The following CCNE1 variants were observed in gnomAD, a reference collection of about 807,000 sequenced individuals.
The protein encoded by CCNE1 is cyclin E1, also known as G1/S-specific cyclin-E1.
CCNE1 carries 8 observed loss-of-function variants against 54.1 expected under a neutral mutation model. The ratio of observed to expected loss-of-function variants is 0.15; its 90% CI spans 0.09 to 0.27. CCNE1 has a LOEUF of 0.27. Among genes scored for constraint, CCNE1 ranks in the 10% least tolerant of loss-of-function variants. The probability of loss-of-function intolerance (pLI) is 1.00; values close to 1 mark genes in which losing one functional copy is unlikely to be tolerated. For missense variants in CCNE1, 430 were observed against 514.9 expected (o/e 0.84, Z 1.60); for synonymous variants, 179 against 185.2 (o/e 0.97, Z 0.27).
intron 11 of CCNE1, among the ~76,000 whole-genome samples, 197 bp downstream of exon 11, chr19:29,822,800 C>T (rs1045478860): frequency 9.2e-5 from 14 of 151,956 alleles, no homozygotes; most frequent in South Asian, 2.1e-4. Context: ...AAAAATTAGC[C>T]GGCTATGGTG....
chr19:29,823,271 T>C (rs1482252253), intron 11 of CCNE1, among the ~76,000 whole-genome samples: 2 of 151,934 alleles, frequency 1.3e-5, no homozygotes, highest in Non-Finnish European at 2.9e-5. Flanking sequence ...TAGCCAGGCA[T>C]GGTGGCACAT....
intron 6 of CCNE1, among the ~76,000 whole-genome samples, chr19:29,819,594 T>G (rs1423313057): frequency 1.3e-5 from 2 of 152,200 alleles, no homozygotes; most frequent in African/African-American, 4.8e-5. Context: ...AATCTTTTCT[T>G]GGTCCACACT....
At chr19:29,819,825 C>T (rs1312652925) in intron 6 of CCNE1, among the ~76,000 whole-genome samples, 6 of 152,186 alleles carry the variant, frequency 3.9e-5, no homozygotes, top group East Asian at 1.9e-4. Flanking sequence ...ACATCTCAGG[C>T]AGACCTGCTT....
At chr19:29,817,568 C>T in intron 6 of CCNE1, 27 bp downstream of exon 6, 1 of 1,613,890 alleles carries the variant, frequency 6.2e-7, no homozygotes, top group Non-Finnish European at 8.5e-7. Context: ...CTGTTCGCTT[C>T]ATGAAAGCAC....
At chr19:29,814,216 C>T (rs989694276) in intron 4 of CCNE1, among the ~76,000 whole-genome samples, 1 of 151,860 alleles carries the variant, frequency 6.6e-6, no homozygotes, top group African/African-American at 2.4e-5. Flanking sequence ...ACATTCAAAT[C>T]AAGCAAGTTG....
chr19:29,812,373 C>A (rs1346444633), intron 1 of CCNE1, among the ~76,000 whole-genome samples, 159 bp from the exon 2 acceptor site: 8 of 149,214 alleles, frequency 5.4e-5, no homozygotes, highest in Admixed American at 3.3e-4. Flanking sequence ...GGCGGCGGGA[C>A]CCCGGGTCGG....
chr19:29,816,155 CAA>C (rs756490349), intron 4 of CCNE1, among the ~76,000 whole-genome samples: 22 of 73,178 alleles, frequency 3.0e-4, no homozygotes, highest in Non-Finnish European at 3.4e-4. Context: ...GACCCTCTCT[CAA>C]AAAAAAAAAA....
intron 9 of CCNE1, 22 bp downstream of exon 9, chr19:29,822,152 G>A (rs763878797): frequency 1.1e-5 from 18 of 1,611,702 alleles, no homozygotes; most frequent in South Asian, 6.6e-5. Context: ...CATCACGTCC[G>A]TGGGGCCACC....
At chr19:29,820,321 C>T (rs1974118819) in intron 6 of CCNE1, among the ~76,000 whole-genome samples, 1 of 152,178 alleles carries the variant, frequency 6.6e-6, no homozygotes, top group Admixed American at 6.5e-5. Flanking sequence ...GAGGCCGAAG[C>T]AGGTGGATCA....
chr19:29,823,667 G>A lies in CCNE1; in HGVS notation c.1123G>A (p.Ala375Thr), dbSNP rs754580480. ...TTCTTACCAACAGGACAAAGCCCGA[G>A]CAAAGAAAGCCATGTTGTCTGAACA... ...DSLDLLDKAR[A>T]KKAMLSEQNR... The change falls in exon 12 of 12, where the codon GCA becomes ACA. Residue 375 changes from alanine (A) to threonine (T), a missense_variant. Physicochemically the swap from Ala to Thr is moderately conservative, Grantham distance 58 (BLOSUM62 0). Around this residue, in one of 2 missense-constraint regions of CCNE1, gnomAD observed 303 missense variants for 401.1 expected, o/e 0.76. Coordinates refer to ENST00000262643, the MANE Select transcript of CCNE1 (RefSeq NM_001238.4). The A allele has an allele frequency of 6.2e-7, 1 of 1,614,026 alleles. No individual in the cohort carries two copies. The highest frequency in any genetic ancestry group is 2.2e-5 in the East Asian group (1 of 44,876).
chr19:29,817,676 G>A (rs1228433003), intron 6 of CCNE1, 135 bp downstream of exon 6: 2 of 904,226 alleles, frequency 2.2e-6, no homozygotes, highest in Non-Finnish European at 3.4e-6. Context: ...TTTTTACTGT[G>A]GTGGTCTTTC....
At chr19:29,821,590 T>G in intron 7 of CCNE1, 132 bp from the exon 8 acceptor site, 1 of 392,794 alleles carries the variant, frequency 2.5e-6, no homozygotes, top group Non-Finnish European at 4.6e-6. Context: ...TGGTGTGGCT[T>G]CTGTGTTAAT....
chr19:29,813,087 T>C (rs2145716101), intron 4 of CCNE1, 50 bp downstream of exon 4: 7 of 1,506,146 alleles, frequency 4.6e-6, no homozygotes, highest in Non-Finnish European at 6.5e-6. Context: ...TCCCCCTGGG[T>C]CACATGGGGT....
In CCNE1 at chr19:29,817,390, G is replaced by A. The variant is rs773174972; in HGVS notation, c.327-16G>A. ...CCCCTTTGTGGGCCTCATTTTTGTTGTGTGTTTTGTTGTAGCTGGGCAAAT... is the reference window on the plus strand; with the variant it reads ...CCCCTTTGTGGGCCTCATTTTTGTTATGTGTTTTGTTGTAGCTGGGCAAAT... On this transcript the variant is annotated splice_polypyrimidine_tract_variant and intron_variant, in intron 5 of 11. Coordinates refer to ENST00000262643, the MANE Select transcript of CCNE1 (RefSeq NM_001238.4). 1.9e-6 allele frequency: 3 copies of A among 1,613,938 alleles called. No individual in the cohort carries two copies. Among genetic ancestry groups the A allele is most frequent in the South Asian group, 2.2e-5 (2 of 91,066 alleles).
At chr19:29,817,736 A>C (rs1179973842) in intron 6 of CCNE1, among the ~76,000 whole-genome samples, 195 bp downstream of exon 6, 3 of 152,148 alleles carry the variant, frequency 2.0e-5, no homozygotes, top group African/African-American at 4.8e-5. Flanking sequence ...TTTATCCTTC[A>C]GATGTTTTAA....
At chr19:29,814,682 C>G (rs951870288) in intron 4 of CCNE1, among the ~76,000 whole-genome samples, 2 of 152,156 alleles carry the variant, frequency 1.3e-5, no homozygotes, top group African/African-American at 4.8e-5. Context: ...GAATTTTTCT[C>G]TGGAGTTATC....
chr19:29,813,460 GC>G, intron 4 of CCNE1: 1 of 161,868 alleles, frequency 6.2e-6, no homozygotes, highest in Non-Finnish European at 1.3e-5. Flanking sequence ...GTGTTTATAA[GC>G]AACAACTTTC....
intron 6 of CCNE1, among the ~76,000 whole-genome samples, chr19:29,818,250 T>A (rs1974073869): frequency 6.6e-6 from 1 of 152,074 alleles, no homozygotes; most frequent in African/African-American, 2.4e-5. Flanking sequence ...ATGGTCTCGA[T>A]CTCCTGACCT....
intron 6 of CCNE1, among the ~76,000 whole-genome samples, chr19:29,817,756 C>G (rs1333842632): frequency 6.6e-6 from 1 of 151,052 alleles, no homozygotes; most frequent in Non-Finnish European, 1.5e-5. Context: ...AAATTGGCAT[C>G]TAATTTTTTC....
Sources: allele counts gnomAD v4.1 joint callset (sites outside exome capture counted in the v4.1 genomes callset), GRCh38; gene constraint gnomAD v4.1.1; regional missense constraint gnomAD v4.1.1; transcripts MANE v1.5; gene names NCBI Gene and HGNC (gene_info 2026-07-23, HGNC 2026-07-21).